The following CSMD1 variants were observed in gnomAD, a reference collection of about 807,000 sequenced individuals.
CSMD1 encodes the protein CUB and sushi domain-containing protein 1.
Under a neutral mutation model 417.5 loss-of-function variants are expected in CSMD1, and 213 were observed. The observed-to-expected ratio is 0.51, with a 90% CI of 0.46 to 0.57. The LOEUF (loss-of-function observed/expected upper bound fraction) is 0.57, where lower values mean the gene tolerates loss of function less well. Among genes scored for constraint, CSMD1 ranks in the 20% least tolerant of loss-of-function variants. CSMD1 has a pLI of 0.00. For missense variants in CSMD1, 6,923 were observed against 4,529.7 expected (o/e 1.53, Z -15.17); for synonymous variants, 2,862 against 1,736.8 (o/e 1.65, Z -16.11).
intron 3 of CSMD1, among the ~76,000 whole-genome samples, chr8:4,176,445 C>G (rs1584961986): frequency 6.6e-6 from 1 of 152,018 alleles, no homozygotes; most frequent in South Asian, 2.1e-4. Context: ...GCTTTCCTTT[C>G]CTTTTTGATT....
rs187526464 is a variant in CSMD1, at chr8:4,154,128, G to A, written c.416-122029C>T. Among the ~76,000 whole-genome samples the A allele has an allele frequency of 8.1e-4, 124 of 152,314 alleles. 4 individuals carry two copies. The highest frequency in any genetic ancestry group is 4.8e-3 in the Admixed American group (73 of 15,306). On this transcript the variant is annotated intron_variant, in intron 3 of 69. Coordinates refer to ENST00000635120, the MANE Select transcript of CSMD1 (RefSeq NM_033225.6). ...TCAGGAGTCTGGCTTCACAATCTGC[G>A]ACAGCTGAGGGTGAGATATACAATT...
chr8:4,723,840 G>A (rs1305979772), intron 1 of CSMD1, among the ~76,000 whole-genome samples: 1 of 149,666 alleles, frequency 6.7e-6, no homozygotes, highest in East Asian at 1.9e-4. Flanking sequence ...GAATCATGGA[G>A]GACCTTGTAA....
rs188551404 is a variant in CSMD1 at position 3,502,181 on chromosome 8, G to C, written c.1345-8455C>G. ...AGATCGAGACCATACTGGCTAACGT[G>C]GTGAAACCCCGTCTCTACTAAAAAT... On this transcript the variant is annotated intron_variant, in intron 10 of 69. Coordinates refer to ENST00000635120, the MANE Select transcript of CSMD1 (RefSeq NM_033225.6). 5.4e-3 allele frequency among the ~76,000 whole-genome samples: 822 copies of C among 151,996 alleles called. 4 individuals carry two copies. Among genetic ancestry groups the C allele is most frequent in the Non-Finnish European group, 9.6e-3 (654 of 67,976 alleles).
intron 3 of CSMD1, among the ~76,000 whole-genome samples, chr8:4,235,939 C>T (rs1199357389): frequency 2.0e-5 from 3 of 151,680 alleles, no homozygotes; most frequent in African/African-American, 4.9e-5. Flanking sequence ...TTGTGTTTAC[C>T]GTGAAATTAA....
At chr8:4,153,302 G>C (rs1037453896) in intron 3 of CSMD1, among the ~76,000 whole-genome samples, 1 of 152,092 alleles carries the variant, frequency 6.6e-6, no homozygotes, top group African/African-American at 2.4e-5. Context: ...GTTCATCTCC[G>C]GGCTCTTCTC....
In CSMD1 at chr8:2,989,524, T is replaced by C. The variant is rs367588254; in HGVS notation, c.8377+8487A>G. Among the ~76,000 whole-genome samples, 4 of 152,294 alleles carry C rather than the reference T, an allele frequency of 2.6e-5. No individual in the cohort carries two copies. In the East Asian group the frequency reaches 7.7e-4, roughly 29 times the overall value. ...AAGCAGTTTTTAAAATTAAGTTTGT[T>C]TCTATTTTTCTAGGAAAAGGCAAGA... On this transcript the variant is annotated intron_variant, in intron 54 of 69. Transcript: ENST00000635120.
intron 26 of CSMD1, among the ~76,000 whole-genome samples, chr8:3,252,778 C>T (rs1049279837): frequency 2.0e-5 from 3 of 152,048 alleles, no homozygotes; most frequent in South Asian, 2.1e-4. Context: ...ACTTCTTCCT[C>T]GTTTAGTCTT....
intron 2 of CSMD1, among the ~76,000 whole-genome samples, chr8:4,442,555 T>G (rs1336991993): frequency 6.6e-6 from 1 of 152,196 alleles, no homozygotes; most frequent in Non-Finnish European, 1.5e-5. Context: ...CATATGCAAC[T>G]AAAGAGATTT....
At chr8:3,014,217 T>G (rs1312980198) in intron 52 of CSMD1, among the ~76,000 whole-genome samples, 1 of 151,880 alleles carries the variant, frequency 6.6e-6, no homozygotes, top group Non-Finnish European at 1.5e-5. Flanking sequence ...CATTTCTGAA[T>G]AGTACTTATG....
chr8:3,262,230 T>TATATATATATATAC (rs770901446), intron 26 of CSMD1, among the ~76,000 whole-genome samples: 1 of 95,684 alleles, frequency 1.0e-5, no homozygotes, highest in Non-Finnish European at 2.0e-5. Context: ...TATATATATA[T>TATATATATATATAC]ACACACACAT....
intron 5 of CSMD1, among the ~76,000 whole-genome samples, chr8:3,924,345 G>C (rs954239165): frequency 6.6e-6 from 1 of 152,104 alleles, no homozygotes; most frequent in Non-Finnish European, 1.5e-5. Flanking sequence ...GTGTCTCAAT[G>C]AGAATCACTA....
intron 3 of CSMD1, among the ~76,000 whole-genome samples, chr8:4,206,358 C>T (rs1194310749): frequency 1.3e-5 from 2 of 152,060 alleles, no homozygotes; most frequent in East Asian, 1.9e-4. Context: ...CCCCAACCCA[C>T]CACAGGCCCC....
At chr8:4,248,492 C>T (rs1254193745) in intron 3 of CSMD1, among the ~76,000 whole-genome samples, 1 of 152,146 alleles carries the variant, frequency 6.6e-6, no homozygotes, top group Non-Finnish European at 1.5e-5. Flanking sequence ...TACTTTTGAA[C>T]TATTCATTAA....
intron 2 of CSMD1, among the ~76,000 whole-genome samples, chr8:4,597,046 T>G (rs939801912): frequency 7.2e-5 from 11 of 152,262 alleles, no homozygotes; most frequent in Middle Eastern, 6.8e-3. Context: ...ATTCAACCTA[T>G]TTTTCTTCCC....
chr8:3,099,104 A>G lies in CSMD1; in HGVS notation c.6950-2067T>C, dbSNP rs373923592. Among the ~76,000 whole-genome samples, 34 of 151,136 alleles carry G rather than the reference A, an allele frequency of 2.2e-4. No homozygotes were observed. In the East Asian group the frequency reaches 6.4e-3, roughly 29 times the overall value. ...TCTCCGTGCCGTTCACCCTTCCCCC[A>G]AGCCTCTTTACATTTCTAAGCCTTA... On this transcript the variant is annotated intron_variant, in intron 46 of 69. Transcript: ENST00000635120.
At chr8:4,834,877 A>G (rs1227898720) in intron 1 of CSMD1, among the ~76,000 whole-genome samples, 1 of 142,728 alleles carries the variant, frequency 7.0e-6, no homozygotes, top group Non-Finnish European at 1.5e-5. Flanking sequence ...GAAAGGCGGA[A>G]ACCCGGGAGG....
intron 37 of CSMD1, among the ~76,000 whole-genome samples, chr8:3,177,990 C>T (rs376797125): frequency 1.5e-4 from 23 of 152,228 alleles, no homozygotes; most frequent in African/African-American, 4.8e-4. Flanking sequence ...ATAACGTGAA[C>T]GAAGACTAAA....
intron 3 of CSMD1, among the ~76,000 whole-genome samples, chr8:4,396,844 G>A (rs1283949613): frequency 2.6e-5 from 4 of 151,960 alleles, no homozygotes; most frequent in Non-Finnish European, 5.9e-5. Flanking sequence ...GCATGAAAAG[G>A]CATAAGAATG....
At chr8:3,563,222 C>A (rs1799547960) in intron 10 of CSMD1, among the ~76,000 whole-genome samples, 1 of 151,922 alleles carries the variant, frequency 6.6e-6, no homozygotes. Flanking sequence ...TGTCTTCCTT[C>A]TAAAGTGACA....
Sources: gnomAD v4.1 joint callset for allele counts (sites outside exome capture counted in the v4.1 genomes callset) on GRCh38, gnomAD v4.1.1 for gene constraint, MANE v1.5 for transcripts, NCBI Gene and HGNC (gene_info 2026-07-23, HGNC 2026-07-21) for gene names.